AFTPH: variants seen among roughly 807,000 people sequenced by gnomAD.
The protein encoded by AFTPH is aftiphilin protein.
Under a neutral mutation model 72.5 loss-of-function variants are expected in AFTPH, and 7 were observed. That is an observed-to-expected ratio of 0.10 (90% CI 0.05 to 0.18). AFTPH has a LOEUF of 0.18. AFTPH is among the 10% of genes least tolerant of loss of function. The pLI is 1.00. For synonymous variants in AFTPH, 337 were observed against 370.1 expected (o/e 0.91, Z 1.03); for missense variants, 979 against 1,060.5 (o/e 0.92, Z 1.07).
chr2:64,560,119 T>C (rs1671628996), intron 2 of AFTPH, among the ~76,000 whole-genome samples: 1 of 152,200 alleles, frequency 6.6e-6, no homozygotes, highest in South Asian at 2.1e-4. Context: ...TCAGGATTTA[T>C]GGAAGACTGG....
chr2:64,535,613 A>C (rs913802666), intron 1 of AFTPH, among the ~76,000 whole-genome samples: 1 of 152,236 alleles, frequency 6.6e-6, no homozygotes, highest in African/African-American at 2.4e-5. Flanking sequence ...TGGTGTATGA[A>C]TAAGTACCTT....
At chr2:64,583,995 A>G (rs1673357657) in intron 7 of AFTPH, among the ~76,000 whole-genome samples, 1 of 152,094 alleles carries the variant, frequency 6.6e-6, no homozygotes, top group Non-Finnish European at 1.5e-5. Context: ...ATATGCATTT[A>G]TATATGTTAT....
intron 8 of AFTPH, among the ~76,000 whole-genome samples, chr2:64,590,554 T>C (rs1673765874): frequency 6.6e-6 from 1 of 152,236 alleles, no homozygotes; most frequent in South Asian, 2.1e-4. Flanking sequence ...GATGCAGATA[T>C]CCAGTTCCCC....
chr2:64,572,818 A>T, intron 5 of AFTPH, 128 bp from the exon 6 acceptor site: 1 of 1,223,194 alleles, frequency 8.2e-7, no homozygotes, highest in Non-Finnish European at 1.1e-6. Context: ...AAAAAAAAAG[A>T]CTAGTTCCTT....
chr2:64,551,512 C>T, exon 2 of AFTPH: 1 of 1,613,966 alleles, frequency 6.2e-7, no homozygotes, highest in Non-Finnish European at 8.5e-7. Flanking sequence ...TCTTCATCCC[C>T]ACCACCATTA....
At chr2:64,591,093 A>G (rs531846025) in intron 8 of AFTPH, among the ~76,000 whole-genome samples, 5 of 152,328 alleles carry the variant, frequency 3.3e-5, no homozygotes, top group Admixed American at 1.3e-4. Flanking sequence ...CATGTGCCCA[A>G]TTTGAGGCTC....
chr2:64,576,081 AC>A (rs1226124972), intron 6 of AFTPH, among the ~76,000 whole-genome samples: 20 of 78,226 alleles, frequency 2.6e-4, no homozygotes, highest in African/African-American at 5.0e-4. Context: ...TGCTACACAC[AC>A]ACACACACAC....
intron 1 of AFTPH, among the ~76,000 whole-genome samples, chr2:64,540,708 T>A (rs907152735): frequency 1.3e-5 from 2 of 152,152 alleles, no homozygotes; most frequent in African/African-American, 4.8e-5. Context: ...AAAGACAAAA[T>A]TTTTTGTTGT....
chr2:64,572,156 G>T (rs1338765931), intron 5 of AFTPH, among the ~76,000 whole-genome samples: 1 of 150,804 alleles, frequency 6.6e-6, no homozygotes, highest in African/African-American at 2.4e-5. Context: ...GTGGGTAGAG[G>T]TTGCAGTGAG....
At chr2:64,543,607 A>G (rs1293163142) in intron 1 of AFTPH, among the ~76,000 whole-genome samples, 1 of 152,228 alleles carries the variant, frequency 6.6e-6, no homozygotes, top group Non-Finnish European at 1.5e-5. Flanking sequence ...CAGTTAATCC[A>G]GCATCATTTG....
chr2:64,569,617 G>T lies in AFTPH; in HGVS notation c.2215-6G>T. 1 of 1,613,474 alleles carries T rather than the reference G, an allele frequency of 6.2e-7. No homozygotes were observed. The highest frequency in any genetic ancestry group is 1.3e-5 in the African/African-American group (1 of 74,994). ...TATATGTTCTTTCTGTCTAACGTGT[G>T]TGTAGCTCTTCACGGGCAATAAGAA... is the stretch of plus-strand genomic sequence containing the variant. On this transcript the variant is annotated splice_polypyrimidine_tract_variant and splice_region_variant and intron_variant, in intron 4 of 8. Transcript: ENST00000238856.
chr2:64,558,927 G>C (rs1235231418), intron 2 of AFTPH, among the ~76,000 whole-genome samples: 1 of 152,050 alleles, frequency 6.6e-6, no homozygotes, highest in Non-Finnish European at 1.5e-5. Flanking sequence ...ACAATCTAAT[G>C]TACACATCTT....
chr2:64,529,027 A>G (rs1471995114), intron 1 of AFTPH, among the ~76,000 whole-genome samples: 1 of 152,234 alleles, frequency 6.6e-6, no homozygotes, highest in South Asian at 2.1e-4. Context: ...CCAAGATGGT[A>G]GCAGTAGAGA....
chr2:64,573,454 A>T (rs1468193833), intron 6 of AFTPH, among the ~76,000 whole-genome samples: 1 of 151,466 alleles, frequency 6.6e-6, no homozygotes, highest in Admixed American at 6.6e-5. Context: ...AAAAGAAAAG[A>T]AAAAAGGAAA....
At chr2:64,584,712 C>T (rs991546102) in intron 7 of AFTPH, among the ~76,000 whole-genome samples, 23 of 151,622 alleles carry the variant, frequency 1.5e-4, no homozygotes, top group East Asian at 9.7e-4. Context: ...TTCTCCTGCC[C>T]CAGCCTCCTG....
chr2:64,549,940 A>G (rs932639872), intron 1 of AFTPH, among the ~76,000 whole-genome samples: 2 of 152,202 alleles, frequency 1.3e-5, no homozygotes, highest in African/African-American at 2.4e-5. Flanking sequence ...AGAAAGTTGC[A>G]TAAAACTTTC....
intron 7 of AFTPH, among the ~76,000 whole-genome samples, chr2:64,584,430 G>C (rs780941302): frequency 6.6e-6 from 1 of 151,964 alleles, no homozygotes; most frequent in Non-Finnish European, 1.5e-5. Context: ...ATGACTACCA[G>C]ATTCAGACAT....
intron 5 of AFTPH, among the ~76,000 whole-genome samples, chr2:64,570,306 C>T (rs1573013574): frequency 1.3e-5 from 2 of 151,620 alleles, no homozygotes; most frequent in Admixed American, 1.3e-4. Flanking sequence ...ATAAAAATGC[C>T]CCATCAAACT....
chr2:64,585,089 AT>A (rs1208668809), intron 7 of AFTPH, among the ~76,000 whole-genome samples: 3 of 152,224 alleles, frequency 2.0e-5, no homozygotes, highest in African/African-American at 7.2e-5. Flanking sequence ...AACATTGATA[AT>A]TTTATATCAC....
Sources: gnomAD v4.1 joint callset for allele counts (sites outside exome capture counted in the v4.1 genomes callset) on GRCh38, gnomAD v4.1.1 for gene constraint, MANE v1.5 for transcripts, NCBI Gene and HGNC (gene_info 2026-07-23, HGNC 2026-07-21) for gene names.